Variants in DNAH17 observed in about 807,000 individuals in gnomAD.
DNAH17 encodes axonemal beta dynein heavy chain 17.
In DNAH17, 376 loss-of-function variants were observed where a neutral mutation model predicts 485.6. The observed-to-expected ratio is 0.77, with a 90% CI of 0.71 to 0.84. The LOEUF (loss-of-function observed/expected upper bound fraction) is 0.84. Ranked by LOEUF, DNAH17 falls within the 40% of genes least tolerant of loss-of-function variation. The pLI is 0.00. For synonymous variants in DNAH17, 3,031 were observed against 2,405.9 expected (o/e 1.26, Z -7.60); for missense variants, 6,370 against 5,839.3 (o/e 1.09, Z -2.96).
In DNAH17 at chr17:78,462,968, G is replaced by A. The variant is rs773423001; in HGVS notation, c.9050C>T (p.Pro3017Leu). 1.9e-5 allele frequency: 31 copies of A among 1,613,824 alleles called. No homozygotes were observed. Among genetic ancestry groups the A allele is most frequent in the East Asian group, 2.2e-5 (1 of 44,904 alleles). ...TTTGATCTGCTCCAGAAAGGTTTTG[G>A]GTGTGGTGTAGTTGTAGCGCCTCTC... ...ATERRYNYTT[P>L]KTFLEQIKLY... Residue 3017 changes from proline (P) to leucine (L), a missense_variant, in exon 57 of 81, where the codon CCC becomes CTC. By Grantham distance (98) the Pro-to-Leu change is moderately conservative. Coordinates refer to ENST00000389840, the MANE Select transcript of DNAH17 (RefSeq NM_173628.4).
At chr17:78,500,160 T>C in intron 36 of DNAH17, 145 bp downstream of exon 36, 1 of 891,202 alleles carries the variant, frequency 1.1e-6, no homozygotes, top group Non-Finnish European at 1.6e-6. Flanking sequence ...TACCAGCAAG[T>C]GGGGGCCCTG....
At chr17:78,571,069 G>T in intron 5 of DNAH17, 36 bp from the exon 6 acceptor site, 1 of 1,540,102 alleles carries the variant, frequency 6.5e-7, no homozygotes, top group South Asian at 1.2e-5. Context: ...ACCGGTAAGA[G>T]AGCAGAAATT....
intron 57 of DNAH17, 124 bp from the exon 58 acceptor site, chr17:78,461,832 C>A: frequency 1.2e-6 from 1 of 815,540 alleles, no homozygotes; most frequent in Non-Finnish European, 1.9e-6. Flanking sequence ...TCTTACGACT[C>A]CCAGTGACTC....
chr17:78,501,659 G>T, intron 34 of DNAH17, 83 bp downstream of exon 34: 1 of 1,526,190 alleles, frequency 6.6e-7, no homozygotes, highest in Middle Eastern at 2.0e-4. Context: ...GGAAGTGGCA[G>T]GGTCTGAAGT....
At chr17:78,563,188 C>T (rs931134385) in intron 11 of DNAH17, among the ~76,000 whole-genome samples, 5 of 152,164 alleles carry the variant, frequency 3.3e-5, no homozygotes, top group Non-Finnish European at 7.3e-5. Flanking sequence ...TCAAATCTTC[C>T]TTACCCAAAT....
At position 78,458,645 on chromosome 17, in the gene DNAH17, C is replaced by T. The variant is rs768951493; in HGVS notation, c.9897G>A (p.Ala3299=). The change falls in exon 62 of 81, where the codon GCG becomes GCA. Residue 3299 remains alanine (A), a synonymous_variant. Transcript: ENST00000389840. ...TTTTCTCAGCTGTTGCTTTTTCAAA[C>T]GCTGAGGTTAGGTTGCTCAGGTTGG... ...LNANLSNLTS[A]FEKATAEKIK... 22 of 1,614,030 alleles carry T rather than the reference C, an allele frequency of 1.4e-5. No homozygotes were observed. The highest frequency in any genetic ancestry group is 6.7e-5 in the East Asian group (3 of 44,886).
rs759395365 is a variant in DNAH17 at position 78,501,332 on chromosome 17, G to A, written c.5335C>T (p.Gln1779Ter). ...KMIVAKVESS[Q>*]AFTWQAQLRH... ...AGCTGGGCCTGCCAGGTGAAGGCCT[G>A]AGAACTCTCCACCTGCAGGATGAGC... The change falls in exon 35 of 81, where the codon CAG (glutamine) becomes TAG (stop). Residue 1779 changes from glutamine (Q) to a stop codon, truncating the protein, a stop_gained. Transcript: ENST00000389840. LOFTEE classifies it high-confidence loss of function. 6.3e-7 allele frequency: 1 copy of A among 1,595,252 alleles called. No individual in the cohort carries two copies. The highest frequency in any genetic ancestry group is 1.3e-5 in the African/African-American group (1 of 74,680).
chr17:78,424,496 C>T, intron 80 of DNAH17: 1 of 289,198 alleles, frequency 3.5e-6, no homozygotes, highest in Non-Finnish European at 6.6e-6. Flanking sequence ...TTCCCTGATT[C>T]TTAATGTGTA....
Position 78,476,582 on chromosome 17 carries a change from T to C in DNAH17, c.8144A>G (p.Lys2715Arg). 1 of 1,610,186 alleles carries C rather than the reference T, an allele frequency of 6.2e-7. No homozygotes were observed. Among genetic ancestry groups the C allele is most frequent in the Non-Finnish European group, 8.5e-7 (1 of 1,178,236 alleles). ...LHRVTMASTKKFFDDLGDELL... is the reference protein window; with the variant it reads ...LHRVTMASTKRFFDDLGDELL... ...GGCAGCTTGACTTACATCAAAGAACTTCTTGGTGGAGGCCATGGTGACTCT... is the reference window on the plus strand; with the variant it reads ...GGCAGCTTGACTTACATCAAAGAACCTCTTGGTGGAGGCCATGGTGACTCT... The change falls in exon 52 of 81, where the codon AAG becomes AGG. Residue 2715 changes from lysine (K) to arginine (R), a missense_variant. By Grantham distance (26) the Lys-to-Arg change is conservative. Coordinates refer to ENST00000389840, the MANE Select transcript of DNAH17 (RefSeq NM_173628.4).
intron 14 of DNAH17, among the ~76,000 whole-genome samples, chr17:78,554,569 G>A (rs776656978): frequency 6.7e-6 from 1 of 150,030 alleles, no homozygotes; most frequent in African/African-American, 2.5e-5. Flanking sequence ...AAACAAGGGA[G>A]AAGTTTTCAT....
intron 56 of DNAH17, among the ~76,000 whole-genome samples, chr17:78,464,340 A>T (rs965578114): frequency 6.6e-6 from 1 of 152,102 alleles, no homozygotes; most frequent in Non-Finnish European, 1.5e-5. Flanking sequence ...GCTTACTGAA[A>T]CTTCCGCCTC....
intron 18 of DNAH17, among the ~76,000 whole-genome samples, chr17:78,539,474 C>T (rs1341170970): frequency 1.3e-5 from 2 of 152,156 alleles, no homozygotes; most frequent in Admixed American, 6.5e-5. Flanking sequence ...CAGGACCAGC[C>T]TCTTAGGTCT....
At chr17:78,460,345 C>CATGTGTGTGT in intron 58 of DNAH17, 88 bp from the exon 59 acceptor site, 1 of 977,992 alleles carries the variant, frequency 1.0e-6, no homozygotes. Context: ...CATGTGTGTG[C>CATGTGTGTGT]ATGTGTGTGC....
chr17:78,439,225 A>G lies in DNAH17; in HGVS notation c.11678-8T>C. ...TAAACCCTAGTTTTTTTCCTAAAGA[A>G]AAGAAAAACAGGAAAAAAACACCAC... On this transcript the variant is annotated splice_polypyrimidine_tract_variant and splice_region_variant and intron_variant, in intron 72 of 80. Transcript: ENST00000389840. 6.3e-7 allele frequency: 1 copy of G among 1,597,692 alleles called. No homozygotes were observed. The highest frequency in any genetic ancestry group is 8.5e-7 in the Non-Finnish European group (1 of 1,172,450).
At chr17:78,465,173 C>T (rs907879672) in intron 56 of DNAH17, among the ~76,000 whole-genome samples, 3 of 152,244 alleles carry the variant, frequency 2.0e-5, no homozygotes, top group Non-Finnish European at 4.4e-5. Flanking sequence ...CGCAAGTGAT[C>T]CGCCAGCCTC....
intron 6 of DNAH17, 92 bp downstream of exon 6, chr17:78,570,856 C>CAAAAAAAAAAAAAAAAAAAAAA (rs60897530): frequency 1.2e-4 from 35 of 292,086 alleles, no homozygotes; most frequent in African/African-American, 3.6e-4. Flanking sequence ...GACTCCCTCT[C>CAAAAAAAAAAAAAAAAAAAAAA]AAAAAAAAAA....
At chr17:78,473,154 G>A (rs2088844070) in intron 54 of DNAH17, among the ~76,000 whole-genome samples, 1 of 152,176 alleles carries the variant, frequency 6.6e-6, no homozygotes. Flanking sequence ...TAATCATGTC[G>A]AATGGCTCAG....
intron 11 of DNAH17, among the ~76,000 whole-genome samples, chr17:78,562,235 AAG>A (rs1568260047): frequency 6.6e-6 from 1 of 152,180 alleles, no homozygotes; most frequent in Non-Finnish European, 1.5e-5. Context: ...CAAGGGCTAC[AAG>A]AGTTTTTTCT....
rs2089857135 is a variant in DNAH17 at position 78,491,545 on chromosome 17, G to A, written c.6567C>T (p.Asp2189=). 2 of 1,613,930 alleles carry A rather than the reference G, an allele frequency of 1.2e-6. No homozygotes were observed. Among genetic ancestry groups the A allele is most frequent in the Middle Eastern group, 1.6e-4 (1 of 6,082 alleles). Residue 2189 remains aspartate, a synonymous_variant, in exon 43 of 81, where the codon GAC becomes GAT. Transcript: ENST00000389840. ...GGCCGTCATGGGTGATGTTGGCCAGGTCTCGCATGATGGTGGAGAACAGGC... is the reference window on the plus strand; with the variant it reads ...GGCCGTCATGGGTGATGTTGGCCAGATCTCGCATGATGGTGGAGAACAGGC... ...KDGLFSTIMR[D]LANITHDGPK...
Sources: gnomAD v4.1 joint callset for allele counts (sites outside exome capture counted in the v4.1 genomes callset) on GRCh38, gnomAD v4.1.1 for gene constraint, MANE v1.5 for transcripts, NCBI Gene and HGNC (gene_info 2026-07-23, HGNC 2026-07-21) for gene names.